The following STK33 variants were observed in gnomAD, a reference collection of about 807,000 sequenced individuals.
STK33 encodes the protein serine/threonine-protein kinase 33.
STK33 carries 52 observed loss-of-function variants against 58.0 expected under a neutral mutation model. That is an observed-to-expected ratio of 0.90 (90% CI 0.72 to 1.13). The LOEUF (loss-of-function observed/expected upper bound fraction) is 1.13. Ranked by LOEUF, STK33 falls within the 50% of genes most tolerant of loss-of-function variation. The probability of loss-of-function intolerance (pLI) is 0.00; values close to 1 mark genes in which losing one functional copy is unlikely to be tolerated. For missense variants in STK33, 630 were observed against 604.2 expected (o/e 1.04, Z -0.45); for synonymous variants, 215 against 200.1 (o/e 1.07, Z -0.63).
intron 14 of STK33, among the ~76,000 whole-genome samples, chr11:8,420,976 C>A (rs1327795412): frequency 6.7e-6 from 1 of 149,012 alleles, no homozygotes. Context: ...GAGCAAGGCC[C>A]TGTCTGAAAA....
In STK33 at chr11:8,392,544, G is replaced by A; in HGVS notation, c.1511C>T (p.Ser504Phe). The change falls in exon 16 of 16, where the codon TCC becomes TTC. Residue 504 changes from serine to phenylalanine, a missense_variant. Coordinates refer to ENST00000687296, the MANE Select transcript of STK33 (RefSeq NM_001352389.2). ...QGTATKYPAKSGALSRTKKKL is the reference protein window; with the variant it reads ...QGTATKYPAKFGALSRTKKKL Reference sequence around the variant, plus strand: ...CTTTTTGGTTCTGGACAGGGCGCCGGATTTAGCAGGGTACTTGGTTGCTGT... The same window carrying A: ...CTTTTTGGTTCTGGACAGGGCGCCGAATTTAGCAGGGTACTTGGTTGCTGT... The A allele has an allele frequency of 6.2e-7, 1 of 1,614,200 alleles. No homozygotes were observed. The highest frequency in any genetic ancestry group is 8.5e-7 in the Non-Finnish European group (1 of 1,180,044).
At chr11:8,543,100 C>A (rs1253882481) in intron 1 of STK33, among the ~76,000 whole-genome samples, 8 of 152,162 alleles carry the variant, frequency 5.3e-5, no homozygotes, top group African/African-American at 1.9e-4. Flanking sequence ...TATGTATCTA[C>A]TCATTCATTA....
chr11:8,339,216 T>C, the STK33 span, among the ~76,000 whole-genome samples: 7 of 152,162 alleles, frequency 4.6e-5, no homozygotes, highest in African/African-American at 2.4e-5. Flanking sequence ...GATTTATTAA[T>C]GCACGCCTCC....
chr11:8,462,023 T>G (rs1591266745), intron 7 of STK33, 114 bp from the exon 8 acceptor site: 1 of 668,754 alleles, frequency 1.5e-6, no homozygotes, highest in East Asian at 3.2e-5. Flanking sequence ...ATATTTGAAG[T>G]GAATTCATAC....
chr11:8,513,930 C>T (rs1360112441), intron 1 of STK33, among the ~76,000 whole-genome samples: 1 of 151,956 alleles, frequency 6.6e-6, no homozygotes, highest in African/African-American at 2.4e-5. Context: ...TTTTTTGTAC[C>T]AATTAACCAC....
intron 1 of STK33, among the ~76,000 whole-genome samples, chr11:8,568,266 T>G (rs1334724193): frequency 1.5e-4 from 23 of 152,198 alleles, no homozygotes; most frequent in Admixed American, 1.5e-3. Context: ...GCAATTCAGT[T>G]ATTCAATGTA....
the STK33 span, among the ~76,000 whole-genome samples, chr11:8,352,974 G>C: frequency 3.9e-5 from 6 of 152,202 alleles, no homozygotes; most frequent in African/African-American, 1.4e-4. Flanking sequence ...CACCCGTGCT[G>C]TGTGAATGCC....
chr11:8,458,913 T>A (rs1287869413), intron 8 of STK33, among the ~76,000 whole-genome samples: 4 of 152,316 alleles, frequency 2.6e-5, no homozygotes, highest in Non-Finnish European at 5.9e-5. Context: ...AAGGTTAACA[T>A]CCTTTCTTCC....
At chr11:8,402,399 G>A (rs908368722) in intron 15 of STK33, among the ~76,000 whole-genome samples, 1 of 152,094 alleles carries the variant, frequency 6.6e-6, no homozygotes, top group African/African-American at 2.4e-5. Flanking sequence ...CTCACTCATA[G>A]GTGGGAATTG....
chr11:8,579,296 A>T lies in STK33; in HGVS notation c.-466+14787T>A, dbSNP rs1958399630. ...GCCCTTATTGCCACTATATATAGGCATATCTACAGAGTCTCTACCACACTA... is the reference window on the plus strand; with the variant it reads ...GCCCTTATTGCCACTATATATAGGCTTATCTACAGAGTCTCTACCACACTA... On this transcript the variant is annotated intron_variant, in intron 1 of 15. Coordinates refer to ENST00000687296, the MANE Select transcript of STK33 (RefSeq NM_001352389.2). Among the ~76,000 whole-genome samples the T allele has an allele frequency of 2.0e-5, 3 of 152,144 alleles. No individual in the cohort carries two copies. In the East Asian group the frequency reaches 5.8e-4, roughly 29 times the overall value.
At chr11:8,423,633 GACAAGACC>G (rs1172372546) in intron 14 of STK33, among the ~76,000 whole-genome samples, 1 of 152,016 alleles carries the variant, frequency 6.6e-6, no homozygotes, top group Non-Finnish European at 1.5e-5. Flanking sequence ...CACGGCCTAG[GACAAGACC>G]AATTTTGGTA....
At chr11:8,436,341 A>C (rs935859290) in intron 12 of STK33, among the ~76,000 whole-genome samples, 1 of 152,196 alleles carries the variant, frequency 6.6e-6, no homozygotes, top group African/African-American at 2.4e-5. Context: ...CAACATTGAG[A>C]GGAAGGATCT....
At chr11:8,441,584 T>C (rs1944750212) in intron 11 of STK33, among the ~76,000 whole-genome samples, 1 of 152,112 alleles carries the variant, frequency 6.6e-6, no homozygotes, top group Non-Finnish European at 1.5e-5. Flanking sequence ...CTCAAACTCC[T>C]GGCCTCAAGT....
chr11:8,484,985 C>A (rs75354571), intron 1 of STK33, among the ~76,000 whole-genome samples: 5,392 of 152,148 alleles, frequency 0.035, 165 homozygotes, highest in Non-Finnish European at 0.053. Context: ...GGATTTTTCT[C>A]TTCTAAAAGG....
intron 1 of STK33, among the ~76,000 whole-genome samples, chr11:8,523,682 G>A (rs1420515599): frequency 6.8e-6 from 1 of 147,592 alleles, no homozygotes; most frequent in Non-Finnish European, 1.5e-5. Flanking sequence ...CCGCCAGGCA[G>A]CCGCCACTTC....
chr11:8,341,328 G>C, the STK33 span, among the ~76,000 whole-genome samples: 2 of 152,162 alleles, frequency 1.3e-5, no homozygotes, highest in South Asian at 4.1e-4. Context: ...TGCCTCCGTT[G>C]GGTTCTAATT....
At chr11:8,519,102 C>T (rs1401155329) in intron 1 of STK33, among the ~76,000 whole-genome samples, 3 of 152,182 alleles carry the variant, frequency 2.0e-5, no homozygotes, top group South Asian at 4.1e-4. Flanking sequence ...TAAAGCACTC[C>T]TTAGCAAATG....
At chr11:8,538,611 G>A (rs1955243720) in intron 1 of STK33, among the ~76,000 whole-genome samples, 1 of 152,182 alleles carries the variant, frequency 6.6e-6, no homozygotes, top group South Asian at 2.1e-4. Flanking sequence ...AAAGCCAGTA[G>A]TAGGCATATT....
intron 14 of STK33, among the ~76,000 whole-genome samples, chr11:8,430,612 G>T (rs1230675202): frequency 6.6e-6 from 1 of 152,126 alleles, no homozygotes; most frequent in African/African-American, 2.4e-5. Context: ...TCTCTTCTTG[G>T]AAATTTAGTA....
Sources: allele counts gnomAD v4.1 joint callset (sites outside exome capture counted in the v4.1 genomes callset), GRCh38; gene constraint gnomAD v4.1.1; transcripts MANE v1.5; gene names NCBI Gene and HGNC (gene_info 2026-07-23, HGNC 2026-07-21).